ERBB4: variants seen among roughly 807,000 people sequenced by gnomAD.
The protein encoded by ERBB4 is erb-b2 receptor tyrosine kinase 4, also known as receptor tyrosine-protein kinase erbB-4.
ERBB4 carries 42 observed loss-of-function variants against 158.0 expected under a neutral mutation model. The ratio of observed to expected loss-of-function variants is 0.27; its 90% CI spans 0.21 to 0.34. The LOEUF (loss-of-function observed/expected upper bound fraction) is 0.34, where lower values mean the gene tolerates loss of function less well. ERBB4 is among the 10% of genes least tolerant of loss of function. ERBB4 has a pLI of 1.00. For synonymous variants in ERBB4, 583 were observed against 558.7 expected, an observed-to-expected ratio of 1.04 and a Z score of -0.61; for missense variants, 1,333 against 1,624.1, an observed-to-expected ratio of 0.82 and a Z score of 3.08.
Position 211,977,350 on chromosome 2 carries a change from C to G in ERBB4, c.235-29734G>C, listed in dbSNP as rs13401816. Among the ~76,000 whole-genome samples the G allele has an allele frequency of 1.1e-4, 17 of 152,046 alleles. 1 individual carries two copies. The highest frequency in any genetic ancestry group is 4.1e-4 in the African/African-American group (17 of 41,494). ...TCAGAAAGAAAGATGATGAAGTAGT[C>G]TTGTGTATTACATATATTAGGTTTG... On this transcript the variant is annotated intron_variant, in intron 2 of 27. Coordinates refer to ENST00000342788, the MANE Select transcript of ERBB4 (RefSeq NM_005235.3).
In ERBB4 at chr2:211,879,297, T is replaced by C. The variant is rs553208631; in HGVS notation, c.421+68133A>G. On this transcript the variant is annotated intron_variant, in intron 3 of 27. Coordinates refer to ENST00000342788, the MANE Select transcript of ERBB4 (RefSeq NM_005235.3). Reference sequence around the variant, plus strand: ...ATGATAGCTAAGAGATTAATAAGATTATGAGCTCATAATTCCATAAGGAAA... The same window carrying C: ...ATGATAGCTAAGAGATTAATAAGATCATGAGCTCATAATTCCATAAGGAAA... 2.6e-5 allele frequency among the ~76,000 whole-genome samples: 4 copies of C among 152,290 alleles called. No homozygotes were observed. In the East Asian group the frequency reaches 7.7e-4, roughly 29 times the overall value.
intron 14 of ERBB4, among the ~76,000 whole-genome samples, chr2:211,670,413 T>G (rs778302776): frequency 2.6e-5 from 4 of 152,322 alleles, no homozygotes; most frequent in Admixed American, 1.3e-4. Context: ...AAAAATCAAC[T>G]TTTGGAGTTC....
At chr2:211,628,796 A>G (rs993710295) in intron 17 of ERBB4, among the ~76,000 whole-genome samples, 17 of 152,300 alleles carry the variant, frequency 1.1e-4, no homozygotes, top group African/African-American at 4.1e-4. Context: ...ACAGTGTAAA[A>G]GTGTTCCTAT....
intron 11 of ERBB4, among the ~76,000 whole-genome samples, chr2:211,702,712 T>A (rs758216433): frequency 4.6e-5 from 7 of 152,090 alleles, no homozygotes; most frequent in Non-Finnish European, 8.8e-5. Flanking sequence ...ATGTAAAGAA[T>A]CAAACTAAAC....
At chr2:211,924,460 A>T (rs1184562173) in intron 3 of ERBB4, among the ~76,000 whole-genome samples, 1 of 152,182 alleles carries the variant, frequency 6.6e-6, no homozygotes, top group Non-Finnish European at 1.5e-5. Flanking sequence ...CATACCCTAT[A>T]CATCTATAAA....
At chr2:212,121,064 A>G (rs2079732356) in intron 2 of ERBB4, among the ~76,000 whole-genome samples, 1 of 152,212 alleles carries the variant, frequency 6.6e-6, no homozygotes, top group Admixed American at 6.5e-5. Context: ...GCTTTGTAGC[A>G]TATTCAAAGG....
At chr2:212,490,103 A>G (rs549450441) in intron 1 of ERBB4, among the ~76,000 whole-genome samples, 1 of 151,964 alleles carries the variant, frequency 6.6e-6, no homozygotes, top group East Asian at 1.9e-4. Context: ...TAATTCATAA[A>G]TATCTTGCAA....
At chr2:212,439,994 A>G (rs954932588) in intron 1 of ERBB4, among the ~76,000 whole-genome samples, 2 of 152,220 alleles carry the variant, frequency 1.3e-5, no homozygotes, top group African/African-American at 2.4e-5. Flanking sequence ...ATAGGATATA[A>G]TAATGAGTTT....
chr2:211,709,254 C>CACATATATATATATATATAT (rs1402744514), intron 9 of ERBB4, among the ~76,000 whole-genome samples: 4 of 101,538 alleles, frequency 3.9e-5, no homozygotes, highest in African/African-American at 1.6e-4. Context: ...TATATATACA[C>CACATATATATATATATATAT]ATATATATAT....
chr2:211,696,039 C>A (rs1051144438), intron 12 of ERBB4, among the ~76,000 whole-genome samples: 30 of 139,688 alleles, frequency 2.1e-4, no homozygotes, highest in African/African-American at 7.8e-4. Flanking sequence ...TTCCTTCCCT[C>A]CTTCCCCTTC....
intron 19 of ERBB4, among the ~76,000 whole-genome samples, chr2:211,583,196 C>T (rs2068155163): frequency 6.6e-6 from 1 of 151,978 alleles, no homozygotes; most frequent in Non-Finnish European, 1.5e-5. Flanking sequence ...TCGACAAACA[C>T]AAATATTTAC....
chr2:212,221,647 TGCC>T (rs2083294167), intron 1 of ERBB4, among the ~76,000 whole-genome samples: 1 of 151,544 alleles, frequency 6.6e-6, no homozygotes, highest in Non-Finnish European at 1.5e-5. Flanking sequence ...TAACAATCTG[TGCC>T]TGTCAAAAAC....
At chr2:212,036,469 CT>C (rs34570443) in intron 2 of ERBB4, among the ~76,000 whole-genome samples, 516 of 142,694 alleles carry the variant, frequency 3.6e-3, no homozygotes, top group Middle Eastern at 7.1e-3. Flanking sequence ...TAAATACATT[CT>C]TTTTTTTTTT....
chr2:211,722,290 T>C, intron 7 of ERBB4, 103 bp downstream of exon 7: 1 of 963,880 alleles, frequency 1.0e-6, no homozygotes, highest in Middle Eastern at 2.3e-4. Context: ...CCAAAGTACT[T>C]ATAATATTCT....
At chr2:211,531,251 G>C (rs1244716313) in intron 20 of ERBB4, among the ~76,000 whole-genome samples, 3 of 152,074 alleles carry the variant, frequency 2.0e-5, no homozygotes, top group Admixed American at 1.3e-4. Flanking sequence ...AGACACTGGA[G>C]TGGGCAGAGA....
chr2:212,303,831 T>C (rs17418884), intron 1 of ERBB4, among the ~76,000 whole-genome samples: 3,654 of 151,588 alleles, frequency 0.024, 60 homozygotes, highest in Non-Finnish European at 0.037. Context: ...ATCTTATAAA[T>C]ATTTAATGCA....
intron 4 of ERBB4, among the ~76,000 whole-genome samples, chr2:211,752,827 T>C (rs2075173772): frequency 6.6e-6 from 1 of 152,114 alleles, no homozygotes; most frequent in South Asian, 2.1e-4. Context: ...AAAAAACAAG[T>C]TTAAATAATT....
At chr2:212,028,062 C>A (rs190245647) in intron 2 of ERBB4, among the ~76,000 whole-genome samples, 1 of 152,032 alleles carries the variant, frequency 6.6e-6, no homozygotes, top group East Asian at 1.9e-4. Flanking sequence ...TGTTGTCCAG[C>A]AACTAGCAGA....
At chr2:212,459,130 G>A (rs568534441) in intron 1 of ERBB4, among the ~76,000 whole-genome samples, 3 of 152,082 alleles carry the variant, frequency 2.0e-5, no homozygotes, top group Non-Finnish European at 2.9e-5. Context: ...GAAGGCTTTT[G>A]GGTTTTATAT....
Sources: allele counts gnomAD v4.1 joint callset (sites outside exome capture counted in the v4.1 genomes callset), GRCh38; gene constraint gnomAD v4.1.1; transcripts MANE v1.5; gene names NCBI Gene and HGNC (gene_info 2026-07-23, HGNC 2026-07-21).